LPL: variants seen among roughly 807,000 people sequenced by gnomAD.
LPL encodes the protein phospholipase A1.
A neutral mutation model predicts 52.2 loss-of-function variants in LPL; 43 were observed. That is an observed-to-expected ratio of 0.82 (90% confidence interval 0.64 to 1.06). LPL has a LOEUF of 1.06. Ranked by LOEUF, LPL falls within the 50% of genes least tolerant of loss-of-function variation. The pLI is 0.00. For missense variants in LPL, 639 were observed against 585.3 expected (o/e 1.09, Z -0.95); for synonymous variants, 244 against 215.6 (o/e 1.13, Z -1.15).
intron 7 of LPL, among the ~76,000 whole-genome samples, chr8:19,960,585 G>A (rs2070029484): frequency 6.6e-6 from 1 of 152,136 alleles, no homozygotes; most frequent in Non-Finnish European, 1.5e-5. Flanking sequence ...GCTAAATAAT[G>A]TTCAAGTATC....
At position 19,966,830 on chromosome 8, in the gene LPL, C is replaced by T. The variant is rs1053039485; in HGVS notation, c.*1520C>T. On this transcript the variant is annotated 3_prime_UTR_variant, in exon 10 of 10. Coordinates refer to ENST00000650287, the MANE Select transcript of LPL (RefSeq NM_000237.3). ...TCATCAGGCTTGGAATGAATTCTCT[C>T]TAAAAATAAAATGATGTATGATTTG... 1 of 152,264 alleles carries T rather than the reference C, an allele frequency of 6.6e-6. No homozygotes were observed. The highest frequency in any genetic ancestry group is 1.5e-5 in the Non-Finnish European group (1 of 68,032). The allele number at this position is 152,264 out of a possible 1,614,324, so 9.4% of individuals were successfully genotyped here.
intron 2 of LPL, 109 bp from the exon 3 acceptor site, chr8:19,951,660 G>T (rs1442804092): frequency 8.5e-7 from 1 of 1,171,400 alleles, no homozygotes; most frequent in Admixed American, 1.7e-5. Context: ...TGTGCCAATG[G>T]GTTTCCAATC....
Position 19,962,238 on chromosome 8 carries a change from AGCT to A in LPL, c.1427+21_1427+23del. The A allele has an allele frequency of 6.3e-7, 1 of 1,596,362 alleles. No individual in the cohort carries two copies. Among genetic ancestry groups the A allele is most frequent in the Non-Finnish European group, 8.6e-7 (1 of 1,164,012 alleles). Reference sequence around the variant, plus strand: ...CAGGCTGGTGAGCATTCTGGGCTAAAGCTGACTGGGCATCCTGAGCTTGCACCC... The same window carrying A: ...CAGGCTGGTGAGCATTCTGGGCTAAAGACTGGGCATCCTGAGCTTGCACCC... On this transcript the variant is annotated intron_variant, in intron 9 of 9. Coordinates refer to ENST00000650287, the MANE Select transcript of LPL (RefSeq NM_000237.3).
At chr8:19,953,720 TA>T (rs252) in intron 4 of LPL, among the ~76,000 whole-genome samples, 84,162 of 152,004 alleles carry the variant, frequency 0.55, 25,756 homozygotes, top group African/African-American at 0.83. Flanking sequence ...TTTAGTAGTG[TA>T]AATGCACATC....
chr8:19,948,652 C>T (rs1035454120), intron 2 of LPL, among the ~76,000 whole-genome samples: 3 of 152,086 alleles, frequency 2.0e-5, no homozygotes, highest in Admixed American at 6.5e-5. Flanking sequence ...TGTGGGGAAC[C>T]GGTGGAACCC....
chr8:19,956,417 C>A (rs272), intron 6 of LPL, among the ~76,000 whole-genome samples: 1 of 152,184 alleles, frequency 6.6e-6, no homozygotes. Context: ...CAAACTATAA[C>A]CCTTGTGCCA....
Position 19,967,103 on chromosome 8 carries a change from G to A in LPL, c.*1793G>A, listed in dbSNP as rs767981135. The A allele has an allele frequency of 2.6e-4, 39 of 150,426 alleles. No homozygotes were observed. The highest frequency in any genetic ancestry group is 2.1e-4 in the Non-Finnish European group (14 of 67,500). 9.3% of individuals were successfully genotyped at this position (150,426 alleles called of 1,614,324 possible). A position where few individuals can be genotyped will look rare whatever the true frequency, so the allele number is the denominator to read the frequency against. ...ATTGTGGCTATCTGCATTTATAAAT[G>A]TGTGGTGCTAACTGTATGTGTCTTT... On this transcript the variant is annotated 3_prime_UTR_variant, in exon 10 of 10. Transcript: ENST00000650287.
In LPL at chr8:19,944,381, T is replaced by A. The variant is rs2069865926; in HGVS notation, c.89-3799T>A. ...ATCCTACAGACACTGCCTGAGTCGA[T>A]AACTATGACTATCAGTCTCAGAGAG... On this transcript the variant is annotated intron_variant, in intron 1 of 9. Transcript: ENST00000650287. This position sits in a 1 kb window ranked among gnomAD's most constrained non-coding sequence, Gnocchi z 4.2. Among the ~76,000 whole-genome samples the A allele has an allele frequency of 6.9e-6, 1 of 145,128 alleles. No homozygotes were observed. Among genetic ancestry groups the A allele is most frequent in the South Asian group, 2.1e-4 (1 of 4,662 alleles).
chr8:19,941,693 C>A (rs1379765565), intron 1 of LPL, among the ~76,000 whole-genome samples: 1 of 152,236 alleles, frequency 6.6e-6, no homozygotes, highest in African/African-American at 2.4e-5. Context: ...CCCATCACAG[C>A]AACTTTCTCC....
chr8:19,953,918 G>A (rs1259638908), intron 4 of LPL, among the ~76,000 whole-genome samples: 2 of 152,158 alleles, frequency 1.3e-5, no homozygotes, highest in Non-Finnish European at 2.9e-5. Context: ...GCTGCATAAG[G>A]CTAGTTTAAG....
At chr8:19,952,028 T>C in intron 3 of LPL, 80 bp downstream of exon 3, 5 of 1,483,646 alleles carry the variant, frequency 3.4e-6, no homozygotes, top group Non-Finnish European at 4.7e-6. Context: ...TCTTTCTTCC[T>C]TTTCTCTTAG....
At chr8:19,940,554 C>T (rs2069828953) in intron 1 of LPL, among the ~76,000 whole-genome samples, 1 of 152,240 alleles carries the variant, frequency 6.6e-6, no homozygotes, top group African/African-American at 2.4e-5. Context: ...TTAATTCGAA[C>T]CTCGATTCAG....
Position 19,964,798 on chromosome 8 carries a change from G to A in LPL, c.*-512G>A, listed in dbSNP as rs1203024715. ...GCCTGTCTCAGCCTCCCAATGTGCT[G>A]GGATTACAGGCATGAGCCACAGCAC... On this transcript the variant is annotated intron_variant, in intron 9 of 9. Coordinates refer to ENST00000650287, the MANE Select transcript of LPL (RefSeq NM_000237.3). Among the ~76,000 whole-genome samples, 4 of 152,256 alleles carry A rather than the reference G, an allele frequency of 2.6e-5. No individual in the cohort carries two copies. In the East Asian group the frequency reaches 7.7e-4, roughly 29 times the overall value.
At chr8:19,957,600 G>C (rs2069998222) in intron 6 of LPL, among the ~76,000 whole-genome samples, 1 of 152,162 alleles carries the variant, frequency 6.6e-6, no homozygotes, top group Non-Finnish European at 1.5e-5. Flanking sequence ...ACCACTCCCA[G>C]CTTCTTCAGC....
Position 19,965,351 on chromosome 8 carries a change from C to G in LPL, c.*41C>G. On this transcript the variant is annotated 3_prime_UTR_variant, in exon 10 of 10. Transcript: ENST00000650287. ...CAGAACAAAGAACGGCATGTGAATT[C>G]TGTGAAGAATGAAGTGGAGGAAGTA... The G allele has an allele frequency of 1.3e-6, 1 of 780,372 alleles. No individual in the cohort carries two copies. The highest frequency in any genetic ancestry group is 2.4e-6 in the Non-Finnish European group (1 of 417,884). The allele number at this position is 780,372 out of a possible 1,614,324, so 48.3% of individuals were successfully genotyped here. A position where few individuals can be genotyped will look rare whatever the true frequency, so the allele number is the denominator to read the frequency against.
chr8:19,944,736 T>G lies in LPL; in HGVS notation c.89-3444T>G, dbSNP rs529868930. Reference sequence around the variant, plus strand: ...TCGTCTCTGTGAGTTATTATCTATGTTAGAATAAATTCTTTGTCTTTGTTT... The same window carrying G: ...TCGTCTCTGTGAGTTATTATCTATGGTAGAATAAATTCTTTGTCTTTGTTT... On this transcript the variant is annotated intron_variant, in intron 1 of 9. Transcript: ENST00000650287. This position sits in a 1 kb window ranked among gnomAD's most constrained non-coding sequence, Gnocchi z 4.2. Among the ~76,000 whole-genome samples, 1 of 152,346 alleles carries G rather than the reference T, an allele frequency of 6.6e-6. No homozygotes were observed. Among genetic ancestry groups the G allele is most frequent in the East Asian group, 1.9e-4 (1 of 5,192 alleles).
chr8:19,952,001 G>A, intron 3 of LPL, 53 bp downstream of exon 3: 1 of 1,595,132 alleles, frequency 6.3e-7, no homozygotes, highest in East Asian at 2.2e-5. Context: ...TTTGACTGGA[G>A]CCAGAAAACC....
intron 1 of LPL, among the ~76,000 whole-genome samples, chr8:19,945,566 G>A (rs548898588): frequency 3.9e-5 from 6 of 152,218 alleles, no homozygotes; most frequent in African/African-American, 1.2e-4. Flanking sequence ...ACCCAACAGA[G>A]GGAAATTGGA....
In LPL at chr8:19,953,353, A is replaced by G; in HGVS notation, c.473A>G (p.Tyr158Cys). Residue 158 changes from tyrosine (Y) to cysteine (C), a missense_variant, in exon 4 of 10, where the codon TAC (tyrosine) becomes TGC (cysteine). Tyr to Cys is a radical substitution (Grantham distance 194, BLOSUM62 -2). Coordinates refer to ENST00000650287, the MANE Select transcript of LPL (RefSeq NM_000237.3). ...CTGGACAATGTCCATCTCTTGGGAT[A>G]CAGCCTTGGAGCCCATGCTGCTGGC... The part of the protein sequence containing the change: ...YPLDNVHLLG[Y>C]SLGAHAAGIA... 2 of 1,614,058 alleles carry G rather than the reference A, an allele frequency of 1.2e-6. No individual in the cohort carries two copies. Among genetic ancestry groups the G allele is most frequent in the Non-Finnish European group, 1.7e-6 (2 of 1,179,900 alleles).
Sources: gnomAD v4.1 joint callset for allele counts (sites outside exome capture counted in the v4.1 genomes callset) on GRCh38, gnomAD v4.1.1 for gene constraint, Gnocchi (gnomAD v3.1) non-coding constraint, MANE v1.5 for transcripts, NCBI Gene and HGNC (gene_info 2026-07-23, HGNC 2026-07-21) for gene names.